Variants in NPAS3 observed in about 807,000 individuals in gnomAD.
NPAS3 encodes the protein neuronal PAS domain protein 3.
Under a neutral mutation model 73.1 loss-of-function variants are expected in NPAS3, and 14 were observed. The observed-to-expected ratio is 0.19, with a 90% CI of 0.13 to 0.30. The LOEUF is 0.30. Ranked by LOEUF, NPAS3 falls within the 10% of genes least tolerant of loss-of-function variation. NPAS3 has a pLI of 1.00. For missense variants in NPAS3, 1,096 were observed against 1,250.0 expected, an observed-to-expected ratio of 0.88 and a Z score of 1.86; for synonymous variants, 620 against 541.5, an observed-to-expected ratio of 1.14 and a Z score of -2.01.
chr14:33,307,616 T>A (rs2042810516), intron 3 of NPAS3, among the ~76,000 whole-genome samples: 1 of 152,062 alleles, frequency 6.6e-6, no homozygotes, highest in Non-Finnish European at 1.5e-5. Context: ...TGTGTGTTCG[T>A]GTGCGTGCAT....
rs71432096 is a variant in NPAS3, at chr14:32,962,569, C to CTTTTTTTTTTTTTTTTTTTTTTT, written c.50+23223_50+23224insTTTTTTTTTTTTTTTTTTTTTTT. Among the ~76,000 whole-genome samples the CTTTTTTTTTTTTTTTTTTTTTTT allele has an allele frequency of 2.5e-4, 28 of 110,602 alleles. 1 individual carries two copies. The highest frequency in any genetic ancestry group is 3.8e-4 in the Non-Finnish European group (21 of 55,808). The allele number at this position is 110,602 out of a possible 152,430, so 72.6% of individuals were successfully genotyped here. ...TCTTTCTTTCTTTCTTTTTTCTTTT[C>CTTTTTTTTTTTTTTTTTTTTTTT]TTTTTTTTTTTTTTTTTTTTGAGAC... On this transcript the variant is annotated intron_variant, in intron 1 of 11. Transcript: ENST00000356141.
chr14:33,368,475 G>A (rs2045939572), intron 4 of NPAS3, among the ~76,000 whole-genome samples: 1 of 152,064 alleles, frequency 6.6e-6, no homozygotes, highest in Non-Finnish European at 1.5e-5. Context: ...GTAAAGTCCA[G>A]GAATTTGTGG....
At chr14:33,760,681 G>A (rs2062255579) in intron 7 of NPAS3, among the ~76,000 whole-genome samples, 1 of 150,230 alleles carries the variant, frequency 6.7e-6, no homozygotes, top group African/African-American at 2.5e-5. Context: ...TCCTTTGGGG[G>A]TTATGTCTGC....
At chr14:33,086,196 C>T (rs2042020440) in intron 2 of NPAS3, among the ~76,000 whole-genome samples, 1 of 152,122 alleles carries the variant, frequency 6.6e-6, no homozygotes, top group Non-Finnish European at 1.5e-5. Flanking sequence ...AGTTAAAGAA[C>T]ATCTTGATAA....
Position 33,692,835 on chromosome 14 carries a change from TTAAAAAAAAA to T in NPAS3, c.733+16451_733+16460del, listed in dbSNP as rs1211276868. Among the ~76,000 whole-genome samples, 35 of 49,148 alleles carry T rather than the reference TTAAAAAAAAA, an allele frequency of 7.1e-4. 1 individual carries two copies. Among genetic ancestry groups the T allele is most frequent in the African/African-American group, 2.9e-3 (34 of 11,604 alleles). The allele number at this position is 49,148 out of a possible 152,430, so 32.2% of individuals were successfully genotyped here. A position where few individuals can be genotyped will look rare whatever the true frequency, so the allele number is the denominator to read the frequency against. On this transcript the variant is annotated intron_variant, in intron 6 of 11. Coordinates refer to ENST00000356141, the Ensembl canonical transcript of NPAS3. The stretch of plus-strand genomic sequence containing the variant: ...ACAAGTGTTTAAGTAGCCCAATGTC[TTAAAAAAAAA>T]AAAAAAAAAAAAAAAAAAGCCTTGA...
chr14:33,171,871 A>T (rs2045402058), intron 2 of NPAS3, among the ~76,000 whole-genome samples: 2 of 152,092 alleles, frequency 1.3e-5, no homozygotes, highest in Non-Finnish European at 2.9e-5. Flanking sequence ...AAAGTGAGAG[A>T]TGGGTGACTC....
At position 33,082,473 on chromosome 14, in the gene NPAS3, T is replaced by C. The variant is rs181571864; in HGVS notation, c.140+26479T>C. On this transcript the variant is annotated intron_variant, in intron 2 of 11. Coordinates refer to ENST00000356141, the Ensembl canonical transcript of NPAS3. ...AACCCTTTTTGTTACTCTTGTTTCA[T>C]TGAAGTATATTCTGCCACTACCATT... Among the ~76,000 whole-genome samples, 280 of 152,352 alleles carry C rather than the reference T, an allele frequency of 1.8e-3. 1 individual carries two copies. The highest frequency in any genetic ancestry group is 6.3e-3 in the African/African-American group (262 of 41,582).
At chr14:33,687,327 C>G (rs1262388159) in intron 6 of NPAS3, among the ~76,000 whole-genome samples, 2 of 152,150 alleles carry the variant, frequency 1.3e-5, no homozygotes, top group Non-Finnish European at 2.9e-5. Flanking sequence ...GAGTTCAAAG[C>G]CGTTTCTTTA....
chr14:33,624,603 G>A (rs2058171457), intron 5 of NPAS3, among the ~76,000 whole-genome samples: 3 of 150,444 alleles, frequency 2.0e-5, no homozygotes, highest in African/African-American at 7.3e-5. Flanking sequence ...AATTAAAGCA[G>A]AATATTAATC....
chr14:33,401,121 A>G (rs1157687647), intron 4 of NPAS3, among the ~76,000 whole-genome samples: 1 of 151,976 alleles, frequency 6.6e-6, no homozygotes, highest in Non-Finnish European at 1.5e-5. Context: ...TTTAGAAATC[A>G]TTTTCCCCTT....
chr14:33,263,827 G>C (rs561019693), intron 3 of NPAS3, among the ~76,000 whole-genome samples: 2 of 151,988 alleles, frequency 1.3e-5, no homozygotes, highest in Non-Finnish European at 2.9e-5. Context: ...TCCTTGAAGA[G>C]GTCCTTCACA....
intron 7 of NPAS3, among the ~76,000 whole-genome samples, chr14:33,743,515 C>G (rs1347435811): frequency 6.6e-6 from 1 of 152,140 alleles, no homozygotes; most frequent in Non-Finnish European, 1.5e-5. Flanking sequence ...CATAGACAGA[C>G]TAGATTTAGC....
At chr14:33,043,718 A>T (rs900377275) in intron 1 of NPAS3, among the ~76,000 whole-genome samples, 1 of 152,064 alleles carries the variant, frequency 6.6e-6, no homozygotes, top group African/African-American at 2.4e-5. Flanking sequence ...ACAGCACAGG[A>T]TTGTTAAATA....
intron 2 of NPAS3, among the ~76,000 whole-genome samples, chr14:33,201,341 A>G (rs1429816897): frequency 7.7e-6 from 1 of 129,524 alleles, no homozygotes; most frequent in East Asian, 2.6e-4. Flanking sequence ...ACTCAGTTCT[A>G]CAACCATGGG....
At chr14:33,197,914 G>C (rs555518608) in intron 2 of NPAS3, among the ~76,000 whole-genome samples, 1 of 152,204 alleles carries the variant, frequency 6.6e-6, no homozygotes, top group Non-Finnish European at 1.5e-5. Flanking sequence ...CTTAAAGATG[G>C]TGTGTCCAGA....
intron 4 of NPAS3, among the ~76,000 whole-genome samples, chr14:33,441,335 T>G (rs2049239079): frequency 6.6e-6 from 1 of 152,208 alleles, no homozygotes; most frequent in Non-Finnish European, 1.5e-5. Context: ...ATCCAAACGT[T>G]TTAGTCAATA....
chr14:33,169,488 A>C (rs1290652789), intron 2 of NPAS3, among the ~76,000 whole-genome samples: 1 of 152,188 alleles, frequency 6.6e-6, no homozygotes, highest in Admixed American at 6.5e-5. Flanking sequence ...GAATTACTTG[A>C]ACCCAGGAGG....
At chr14:33,001,081 T>C (rs1276822809) in intron 1 of NPAS3, among the ~76,000 whole-genome samples, 1 of 152,236 alleles carries the variant, frequency 6.6e-6, no homozygotes, top group Non-Finnish European at 1.5e-5. Flanking sequence ...GTTACTTTTT[T>C]ACATCGGATC....
chr14:33,374,471 C>T (rs979904185), intron 4 of NPAS3, among the ~76,000 whole-genome samples: 3 of 148,220 alleles, frequency 2.0e-5, no homozygotes, highest in Non-Finnish European at 3.0e-5. Context: ...TATAGGTTCT[C>T]TATCTACCAG....
Sources: allele counts gnomAD v4.1 joint callset (sites outside exome capture counted in the v4.1 genomes callset), GRCh38; gene constraint gnomAD v4.1.1; transcripts MANE v1.5; gene names NCBI Gene and HGNC (gene_info 2026-07-23, HGNC 2026-07-21).